MGAT5: variants seen among roughly 807,000 people sequenced by gnomAD.
MGAT5 encodes alpha-1,6-mannosylglycoprotein 6-beta-N-acetylglucosaminyltransferase A.
In MGAT5, 30 loss-of-function variants were observed where a neutral mutation model predicts 94.3. The observed-to-expected ratio is 0.32, with a 90% CI of 0.24 to 0.43. The LOEUF is 0.43. Among genes scored for constraint, MGAT5 ranks in the 20% least tolerant of loss-of-function variants. The probability of loss-of-function intolerance (pLI) is 1.00; values close to 1 mark genes in which losing one functional copy is unlikely to be tolerated. For synonymous variants in MGAT5, 310 were observed against 322.9 expected (o/e 0.96, Z 0.43); for missense variants, 691 against 905.5 (o/e 0.76, Z 3.04).
intron 4 of MGAT5, among the ~76,000 whole-genome samples, chr2:134,322,745 G>A (rs1428241252): frequency 6.6e-6 from 1 of 152,046 alleles, no homozygotes; most frequent in Non-Finnish European, 1.5e-5. Flanking sequence ...TCCTTATTCT[G>A]TTATTTAAGT....
At chr2:134,222,518 A>G (rs1680833355) in intron 1 of MGAT5, among the ~76,000 whole-genome samples, 1 of 152,310 alleles carries the variant, frequency 6.6e-6, no homozygotes, top group Admixed American at 6.5e-5. Flanking sequence ...ATTTATCTCC[A>G]TAGGTATAGT....
At chr2:134,170,432 G>A (rs987521848) in intron 1 of MGAT5, among the ~76,000 whole-genome samples, 1 of 152,310 alleles carries the variant, frequency 6.6e-6, no homozygotes, top group Middle Eastern at 3.4e-3. Flanking sequence ...TAATGACTGT[G>A]GGTTGAGCCT....
At chr2:134,165,175 A>G (rs1687913311) in intron 1 of MGAT5, among the ~76,000 whole-genome samples, 1 of 152,224 alleles carries the variant, frequency 6.6e-6, no homozygotes, top group African/African-American at 2.4e-5. Flanking sequence ...TTAGGTTGAA[A>G]TAACCACACG....
chr2:134,272,188 G>A (rs1467627776), intron 2 of MGAT5, among the ~76,000 whole-genome samples: 1 of 152,214 alleles, frequency 6.6e-6, no homozygotes, highest in East Asian at 1.9e-4. Flanking sequence ...AAGGAAATGG[G>A]AAGGACTTGG....
intron 4 of MGAT5, among the ~76,000 whole-genome samples, chr2:134,335,659 A>G (rs1296184524): frequency 6.8e-6 from 1 of 146,144 alleles, no homozygotes; most frequent in Non-Finnish European, 1.5e-5. Flanking sequence ...TTACCACCTT[A>G]TTTCTTGAGA....
intron 1 of MGAT5, among the ~76,000 whole-genome samples, chr2:134,154,832 A>G (rs770712992): frequency 2.4e-4 from 37 of 152,202 alleles, no homozygotes; most frequent in Non-Finnish European, 4.4e-4. Context: ...TTAAAATTCA[A>G]GCTAGAAGCA....
rs1682786643 is a variant in MGAT5 at position 134,254,139 on chromosome 2, A to G, written c.-265A>G. ...GCTTACAGTTCCTGAATCATAAGAT[A>G]TTGAACCAGCAAATTTAAGAGTTGA... On this transcript the variant is annotated 5_prime_UTR_variant, in exon 1 of 16. In the 5' UTR this introduces an upstream ATG that the reference lacks. Transcript: ENST00000281923. The G allele has an allele frequency of 2.8e-5, 16 of 580,068 alleles. No individual in the cohort carries two copies. The East Asian group carries it at 4.2e-4, about 15-fold the overall frequency. The allele number at this position is 580,068 out of a possible 1,614,324, so 35.9% of individuals were successfully genotyped here. A position where few individuals can be genotyped will look rare whatever the true frequency, so the allele number is the denominator to read the frequency against.
intron 2 of MGAT5, among the ~76,000 whole-genome samples, chr2:134,313,037 A>AACAC (rs201311442): frequency 1.8e-3 from 250 of 139,278 alleles, no homozygotes; most frequent in East Asian, 8.1e-3. Context: ...GCAAGAAATA[A>AACAC]ACACACACAC....
At chr2:134,381,364 T>TAGATAGATAGATAAGATAAGATAAGATA (rs150819045) in intron 10 of MGAT5, among the ~76,000 whole-genome samples, 2 of 95,588 alleles carry the variant, frequency 2.1e-5, no homozygotes, top group African/African-American at 8.3e-5. Flanking sequence ...GATAGATAGA[T>TAGATAGATAGATAAGATAAGATAAGATA]AGATAAGATA....
chr2:134,285,956 G>A (rs1042641387), intron 2 of MGAT5, among the ~76,000 whole-genome samples: 1 of 152,112 alleles, frequency 6.6e-6, no homozygotes, highest in Admixed American at 6.5e-5. Context: ...AATAAAATAA[G>A]GTGATAGTAA....
At chr2:134,164,346 G>A (rs939140141) in intron 1 of MGAT5, among the ~76,000 whole-genome samples, 4 of 152,220 alleles carry the variant, frequency 2.6e-5, no homozygotes, top group African/African-American at 9.6e-5. Flanking sequence ...TAAGCTTTGA[G>A]AGTTGGTTGG....
At chr2:134,447,292 C>A (rs1190026050) in intron 15 of MGAT5, among the ~76,000 whole-genome samples, 2 of 152,220 alleles carry the variant, frequency 1.3e-5, no homozygotes, top group African/African-American at 4.8e-5. Context: ...ATTCATACCA[C>A]TGGACAAGCA....
chr2:134,273,975 C>G (rs1019132797), intron 2 of MGAT5, among the ~76,000 whole-genome samples: 15 of 152,176 alleles, frequency 9.9e-5, no homozygotes, highest in African/African-American at 1.7e-4. Flanking sequence ...TCAAAATTCT[C>G]TCCTTTTAGA....
chr2:134,239,463 T>C (rs555386245), intron 1 of MGAT5, among the ~76,000 whole-genome samples: 40 of 152,324 alleles, frequency 2.6e-4, no homozygotes, highest in African/African-American at 9.6e-4. Flanking sequence ...ATAACCAGAC[T>C]TGTTAAATCA....
chr2:134,434,735 A>G (rs901730157), intron 14 of MGAT5, among the ~76,000 whole-genome samples: 1 of 152,128 alleles, frequency 6.6e-6, no homozygotes, highest in Non-Finnish European at 1.5e-5. Context: ...TCTGACTGCT[A>G]CCACCACTTT....
chr2:134,212,644 G>A lies in MGAT5; in HGVS notation c.-142-41618G>A, dbSNP rs1680262508. 2.0e-5 allele frequency among the ~76,000 whole-genome samples: 3 copies of A among 152,154 alleles called. No homozygotes were observed. In the South Asian group the frequency reaches 6.2e-4, roughly 32 times the overall value. On this transcript the variant is annotated intron_variant, in intron 1 of 16. Coordinates refer to the MGAT5 transcript ENST00000409645. ...TTGGGTTGCCTCTTGCCCAGCCTTG[G>A]GAAAATGTTAAATCAGAGCTCTCTG...
intron 4 of MGAT5, among the ~76,000 whole-genome samples, chr2:134,326,267 G>A (rs964335869): frequency 2.0e-5 from 3 of 151,804 alleles, no homozygotes; most frequent in Admixed American, 2.0e-4. Flanking sequence ...TTGCTTGCTT[G>A]CTTTTTGTTT....
At chr2:134,446,940 C>T (rs545402397) in intron 15 of MGAT5, among the ~76,000 whole-genome samples, 1 of 152,212 alleles carries the variant, frequency 6.6e-6, no homozygotes, top group Non-Finnish European at 1.5e-5. Flanking sequence ...GCAGAAGCCC[C>T]AGCAGATGTG....
At chr2:134,415,468 G>A in intron 12 of MGAT5, among the ~76,000 whole-genome samples, 1 of 152,092 alleles carries the variant, frequency 6.6e-6, no homozygotes, top group East Asian at 1.9e-4. Flanking sequence ...TTGATTGGTT[G>A]GGTTTTTTCC....
Sources: gnomAD v4.1 joint callset for allele counts (sites outside exome capture counted in the v4.1 genomes callset) on GRCh38, gnomAD v4.1.1 for gene constraint, MANE v1.5 for transcripts, NCBI Gene and HGNC (gene_info 2026-07-23, HGNC 2026-07-21) for gene names.